Variants in EHHADH observed in about 807,000 individuals in gnomAD.
EHHADH encodes the protein peroxisomal bifunctional enzyme.
A neutral mutation model predicts 64.4 loss-of-function variants in EHHADH; 48 were observed. The observed-to-expected ratio is 0.75, with a 90% CI of 0.59 to 0.95. EHHADH has a LOEUF of 0.95. Among genes scored for constraint, EHHADH ranks in the 40% least tolerant of loss-of-function variants. The pLI is 0.00. For missense variants in EHHADH, 854 were observed against 876.6 expected (o/e 0.97, Z 0.33); for synonymous variants, 308 against 326.7 (o/e 0.94, Z 0.62).
chr3:185,253,691 A>T, intron 1 of EHHADH: 1 of 735,254 alleles, frequency 1.4e-6, no homozygotes. Flanking sequence ...TCTCAGCCTC[A>T]GCCTCAGTTT....
intron 2 of EHHADH, among the ~76,000 whole-genome samples, chr3:185,241,816 T>G (rs918850951): frequency 6.6e-6 from 1 of 152,232 alleles, no homozygotes. Context: ...CTCCCAACTA[T>G]TTATCTTTGT....
chr3:185,245,759 T>C, intron 2 of EHHADH: 2 of 710,294 alleles, frequency 2.8e-6, no homozygotes, highest in Non-Finnish European at 5.1e-6. Flanking sequence ...GTGCTGACAA[T>C]ATAATAGTTT....
chr3:185,236,401 C>A (rs1301640965), intron 2 of EHHADH, among the ~76,000 whole-genome samples: 1 of 133,432 alleles, frequency 7.5e-6, no homozygotes, highest in Non-Finnish European at 1.6e-5. Flanking sequence ...CCACCCACTA[C>A]CCCTGTCCAT....
rs142166617 is a variant in EHHADH at position 185,193,330 on chromosome 3, G to A, written c.1068C>T (p.His356=). 195 of 1,613,808 alleles carry A rather than the reference G, an allele frequency of 1.2e-4. No individual in the cohort carries two copies. The African/African-American group carries it at 2.1e-3, about 18-fold the overall frequency. The change falls in exon 7 of 7, where the codon CAC becomes CAT. Residue 356 remains histidine, a synonymous_variant. Transcript: ENST00000231887. ...ACCTGGGTTTTGGTCCTGACCAAGG[G>A]TGGCCGCTCTGTTGCATTTTGGAGG... is the stretch of plus-strand genomic sequence containing the variant. ...KEASKMQQSG[H]PWSGPKPRLT...
At chr3:185,210,938 C>T (rs2284994) in intron 5 of EHHADH, among the ~76,000 whole-genome samples, 5,635 of 152,272 alleles carry the variant, frequency 0.037, 264 homozygotes, top group East Asian at 0.23. Flanking sequence ...CTGAAAACCT[C>T]GCAGACTGCA....
Position 185,192,926 on chromosome 3 carries a change from T to C in EHHADH, c.1472A>G (p.Gln491Arg), listed in dbSNP as rs570414096. ...GNRMLNPYYN[Q>R]AYFLLEEGSK... is the part of the protein sequence containing the mutation. ...GCCTTCTTCTAACAAGAAATATGCC[T>C]GATTGTAGTAAGGATTCAACATTCG... Residue 491 changes from glutamine to arginine, a missense_variant, in exon 7 of 7, where the codon CAG becomes CGG. Transcript: ENST00000231887. 5 of 1,614,210 alleles carry C rather than the reference T, an allele frequency of 3.1e-6. No individual in the cohort carries two copies. The South Asian group carries it at 3.3e-5, about 11-fold the overall frequency.
chr3:185,210,938 C>G (rs2284994), intron 5 of EHHADH, among the ~76,000 whole-genome samples: 1 of 152,156 alleles, frequency 6.6e-6, no homozygotes, highest in Non-Finnish European at 1.5e-5. Flanking sequence ...CTGAAAACCT[C>G]GCAGACTGCA....
chr3:185,210,288 C>T (rs573167452), intron 5 of EHHADH, among the ~76,000 whole-genome samples: 1 of 152,172 alleles, frequency 6.6e-6, no homozygotes, highest in Admixed American at 6.5e-5. Context: ...ATGCCCACAT[C>T]ATACCTCAAA....
At position 185,224,152 on chromosome 3, in the gene EHHADH, T is replaced by C. The variant is rs373182895; in HGVS notation, c.463+5280A>G. ...TTTCCTCATTCACATCAGTAGGGAA[T>C]CTTCAACTTTCACAATTTAACTAAT... On this transcript the variant is annotated intron_variant, in intron 4 of 6. Coordinates refer to ENST00000231887, the MANE Select transcript of EHHADH (RefSeq NM_001966.4). Among the ~76,000 whole-genome samples the C allele has an allele frequency of 1.4e-4, 22 of 152,064 alleles. No homozygotes were observed. The East Asian group carries it at 3.7e-3, about 25-fold the overall frequency.
At chr3:185,243,006 C>T (rs2098492) in intron 2 of EHHADH, among the ~76,000 whole-genome samples, 137,081 of 152,250 alleles carry the variant, frequency 0.9, 61,892 homozygotes, top group Non-Finnish European at 0.93. Context: ...AATGGCCTGC[C>T]TGGGGACCCA....
At chr3:185,198,359 C>T (rs1363259684) in intron 6 of EHHADH, among the ~76,000 whole-genome samples, 1 of 151,844 alleles carries the variant, frequency 6.6e-6, no homozygotes, top group Non-Finnish European at 1.5e-5. Context: ...GCTGGGATTA[C>T]AGGCACCTGC....
chr3:185,228,329 A>G (rs1473118213), intron 4 of EHHADH, among the ~76,000 whole-genome samples: 1 of 144,508 alleles, frequency 6.9e-6, no homozygotes, highest in African/African-American at 2.5e-5. Flanking sequence ...AGGGTCTCTA[A>G]ATGTGGTCTA....
chr3:185,214,364 C>T (rs1718628954), intron 5 of EHHADH, among the ~76,000 whole-genome samples: 4 of 152,132 alleles, frequency 2.6e-5, no homozygotes, highest in Non-Finnish European at 5.9e-5. Flanking sequence ...TAAAACAAAG[C>T]CCCAAAGATG....
intron 1 of EHHADH, among the ~76,000 whole-genome samples, chr3:185,253,428 G>T (rs143395157): frequency 1.1e-5 from 1 of 89,236 alleles, no homozygotes; most frequent in Non-Finnish European, 2.0e-5. Flanking sequence ...GTGGGGTGGG[G>T]GGAGGGGGGA....
chr3:185,232,781 G>A (rs1254469048), intron 3 of EHHADH, among the ~76,000 whole-genome samples: 1 of 152,180 alleles, frequency 6.6e-6, no homozygotes, highest in Non-Finnish European at 1.5e-5. Flanking sequence ...TTTACCAGAA[G>A]AGTAACATGA....
intron 2 of EHHADH, among the ~76,000 whole-genome samples, chr3:185,238,323 G>T (rs2108648341): frequency 6.6e-6 from 1 of 152,254 alleles, no homozygotes; most frequent in African/African-American, 2.4e-5. Context: ...AATTCTTTGA[G>T]AAATCTCCAT....
chr3:185,197,516 A>T (rs1009775222), intron 6 of EHHADH, among the ~76,000 whole-genome samples: 2 of 152,198 alleles, frequency 1.3e-5, no homozygotes, highest in Non-Finnish European at 2.9e-5. Flanking sequence ...TGACTACTCC[A>T]GGTACCTCAT....
intron 2 of EHHADH, among the ~76,000 whole-genome samples, chr3:185,240,671 G>C: frequency 6.6e-6 from 1 of 151,658 alleles, no homozygotes; most frequent in East Asian, 1.9e-4. Context: ...TTTTTGATTA[G>C]TTTAGCTAGC....
Position 185,220,664 on chromosome 3 carries a change from C to A in EHHADH, c.464-2424G>T, listed in dbSNP as rs1479523205. ...AAGACATGGCTCTGTATATCCAATCCAGATTCTTAGGCTGTAATTTAAAAT... is the reference window on the plus strand; with the variant it reads ...AAGACATGGCTCTGTATATCCAATCAAGATTCTTAGGCTGTAATTTAAAAT... On this transcript the variant is annotated intron_variant, in intron 4 of 6. Transcript: ENST00000231887. 2.0e-5 allele frequency among the ~76,000 whole-genome samples: 3 copies of A among 152,148 alleles called. No homozygotes were observed. The East Asian group carries it at 5.8e-4, about 29-fold the overall frequency.
Sources: gnomAD v4.1 joint callset for allele counts (sites outside exome capture counted in the v4.1 genomes callset) on GRCh38, gnomAD v4.1.1 for gene constraint, MANE v1.5 for transcripts, NCBI Gene and HGNC (gene_info 2026-07-23, HGNC 2026-07-21) for gene names.